Variants in CHMP4B observed in about 807,000 individuals in gnomAD.
The protein encoded by CHMP4B is SNF7 homolog associated with Alix 1.
Under a neutral mutation model 25.1 loss-of-function variants are expected in CHMP4B, and 1 was observed. That is an observed-to-expected ratio of 0.04 (90% CI 0.01 to 0.19). CHMP4B has a LOEUF of 0.19. Among genes scored for constraint, CHMP4B ranks in the 10% least tolerant of loss-of-function variants. The pLI is 1.00. For missense variants in CHMP4B, 151 were observed against 289.7 expected, an observed-to-expected ratio of 0.52 and a Z score of 3.48; for synonymous variants, 101 against 115.6, an observed-to-expected ratio of 0.87 and a Z score of 0.81.
At chr20:33,845,679 G>A (rs1979669817) in intron 1 of CHMP4B, among the ~76,000 whole-genome samples, 1 of 152,212 alleles carries the variant, frequency 6.6e-6, no homozygotes, top group African/African-American at 2.4e-5. Context: ...GGAGCTGGCT[G>A]GAGGGGAGTT....
chr20:33,812,314 A>G (rs1978650242), intron 1 of CHMP4B, among the ~76,000 whole-genome samples: 1 of 152,134 alleles, frequency 6.6e-6, no homozygotes, highest in African/African-American at 2.4e-5. Flanking sequence ...GGTGTTTTCC[A>G]GCGTTGTGAT....
chr20:33,815,376 G>A (rs1444535212), intron 1 of CHMP4B, among the ~76,000 whole-genome samples: 1 of 152,228 alleles, frequency 6.6e-6, no homozygotes, highest in African/African-American at 2.4e-5. Flanking sequence ...ACATGTCTGA[G>A]ACTTTTCTGA....
intron 1 of CHMP4B, among the ~76,000 whole-genome samples, chr20:33,815,969 G>A (rs1978773032): frequency 1.3e-5 from 2 of 152,192 alleles, no homozygotes; most frequent in Non-Finnish European, 2.9e-5. Flanking sequence ...TCCCTGCTGG[G>A]TGTGTAGCCA....
chr20:33,821,336 G>A (rs2626562), intron 1 of CHMP4B, among the ~76,000 whole-genome samples: 74,387 of 148,952 alleles, frequency 0.5, 19,323 homozygotes, highest in East Asian at 0.91. Flanking sequence ...GCAGTGAGCC[G>A]AGATTGTACC....
chr20:33,826,405 G>T (rs1979095964), intron 1 of CHMP4B, among the ~76,000 whole-genome samples: 1 of 152,104 alleles, frequency 6.6e-6, no homozygotes, highest in Admixed American at 6.5e-5. Context: ...TGGCTCAGGT[G>T]GGGTGAGAGT....
At chr20:33,850,443 A>G (rs143668012) in intron 2 of CHMP4B, among the ~76,000 whole-genome samples, 331 of 152,320 alleles carry the variant, frequency 2.2e-3, no homozygotes, top group African/African-American at 7.5e-3. Flanking sequence ...TTGAGTAAAT[A>G]TAGGTTTATA....
At chr20:33,823,149 T>C (rs935285619) in intron 1 of CHMP4B, among the ~76,000 whole-genome samples, 2 of 151,870 alleles carry the variant, frequency 1.3e-5, no homozygotes, top group Non-Finnish European at 2.9e-5. Flanking sequence ...TTTTTTTTTT[T>C]CAAAAAAAGT....
At chr20:33,840,515 T>C (rs1375321947) in intron 1 of CHMP4B, among the ~76,000 whole-genome samples, 1 of 152,224 alleles carries the variant, frequency 6.6e-6, no homozygotes, top group Non-Finnish European at 1.5e-5. Context: ...GATTCTGGCC[T>C]GGTCTACTGA....
At chr20:33,836,085 C>T (rs1979384894) in intron 1 of CHMP4B, among the ~76,000 whole-genome samples, 1 of 152,146 alleles carries the variant, frequency 6.6e-6, no homozygotes, top group Admixed American at 6.5e-5. Flanking sequence ...CCCTGTTTCT[C>T]CTTCGCTTTT....
intron 1 of CHMP4B, among the ~76,000 whole-genome samples, chr20:33,821,436 T>A (rs1424333367): frequency 2.0e-5 from 3 of 149,582 alleles, no homozygotes; most frequent in African/African-American, 7.4e-5. Context: ...TAATATCTAA[T>A]AGTTGTATAA....
At chr20:33,830,335 G>T (rs995257705) in intron 1 of CHMP4B, among the ~76,000 whole-genome samples, 1 of 152,194 alleles carries the variant, frequency 6.6e-6, no homozygotes, top group African/African-American at 2.4e-5. Flanking sequence ...CAGGCTGAAA[G>T]ATTTTGAATG....
At chr20:33,832,835 T>C (rs1337529044) in intron 1 of CHMP4B, among the ~76,000 whole-genome samples, 2 of 151,126 alleles carry the variant, frequency 1.3e-5, no homozygotes, top group African/African-American at 4.9e-5. Flanking sequence ...CTGGAGTGCA[T>C]TGGCGCAATC....
Position 33,853,770 on chromosome 20 carries a change from T to TGGGGGGGGGGGGGGGGGG in CHMP4B, c.*213_*214insGGGGGGGGGGGGGGGGGG. The stretch of plus-strand genomic sequence containing the variant: ...GGCGGGGGGAGGGGGGCGGGCGGGG[T>TGGGGGGGGGGGGGGGGGG]GGGAAGTGCCTGCTGTTTATAATGT... On this transcript the variant is annotated 3_prime_UTR_variant, in exon 5 of 5. Transcript: ENST00000217402. 7.1e-5 allele frequency: 1 copy of TGGGGGGGGGGGGGGGGGG among 14,136 alleles called. No homozygotes were observed. The highest frequency in any genetic ancestry group is 1.4e-4 in the Non-Finnish European group (1 of 7,136). 0.9% of individuals were successfully genotyped at this position (14,136 alleles called of 1,614,324 possible).
At chr20:33,835,530 T>G (rs1247727467) in intron 1 of CHMP4B, among the ~76,000 whole-genome samples, 1 of 152,070 alleles carries the variant, frequency 6.6e-6, no homozygotes, top group Non-Finnish European at 1.5e-5. Flanking sequence ...TTTTTCTCTC[T>G]GTATTTCATT....
intron 1 of CHMP4B, among the ~76,000 whole-genome samples, chr20:33,815,616 A>G (rs1273483429): frequency 1.3e-5 from 2 of 152,228 alleles, no homozygotes; most frequent in Admixed American, 1.3e-4. Context: ...AGGTCCATGA[A>G]GTAAGATGTG....
chr20:33,852,946 C>T (rs903171554), intron 4 of CHMP4B, among the ~76,000 whole-genome samples: 8 of 152,282 alleles, frequency 5.3e-5, no homozygotes, highest in Admixed American at 6.5e-5. Flanking sequence ...CTAGAAAAAG[C>T]GAGGCAATTT....
intron 2 of CHMP4B, 65 bp from the exon 3 acceptor site, chr20:33,850,887 T>C: frequency 8.5e-7 from 1 of 1,179,780 alleles, no homozygotes; most frequent in Non-Finnish European, 1.3e-6. Context: ...GCTCCCGCCT[T>C]GCCTTGCAGG....
In CHMP4B at chr20:33,852,544, C is replaced by T. The variant is rs1454990731; in HGVS notation, c.610+341C>T. Among the ~76,000 whole-genome samples, 5 of 152,298 alleles carry T rather than the reference C, an allele frequency of 3.3e-5. No individual in the cohort carries two copies. The East Asian group carries it at 9.6e-4, about 29-fold the overall frequency. ...ACCATCCCTGGCCTCTGCTAGATGC[C>T]AGTAGCAACCGCCATGAGTTATGTC... On this transcript the variant is annotated intron_variant, in intron 4 of 4. Coordinates refer to ENST00000217402, the MANE Select transcript of CHMP4B (RefSeq NM_176812.5).
At chr20:33,842,335 C>T (rs1200880235) in intron 1 of CHMP4B, among the ~76,000 whole-genome samples, 1 of 152,126 alleles carries the variant, frequency 6.6e-6, no homozygotes, top group African/African-American at 2.4e-5. Context: ...TTTTCTTGCC[C>T]ATACACACAG....
Sources: gnomAD v4.1 joint callset for allele counts (sites outside exome capture counted in the v4.1 genomes callset) on GRCh38, gnomAD v4.1.1 for gene constraint, MANE v1.5 for transcripts, NCBI Gene and HGNC (gene_info 2026-07-23, HGNC 2026-07-21) for gene names.